The following ZNF33B variants were observed in gnomAD, a reference collection of about 807,000 sequenced individuals.
The protein encoded by ZNF33B is zinc finger protein 33B.
Under a neutral mutation model 45.8 loss-of-function variants are expected in ZNF33B, and 29 were observed. The observed-to-expected ratio is 0.63, with a 90% CI of 0.47 to 0.86. ZNF33B has a LOEUF of 0.86. ZNF33B is among the 40% of genes least tolerant of loss of function. The probability of loss-of-function intolerance (pLI) is 0.00; values close to 1 mark genes in which losing one functional copy is unlikely to be tolerated. For missense variants in ZNF33B, 831 were observed against 909.9 expected, an observed-to-expected ratio of 0.91 and a Z score of 1.12; for synonymous variants, 305 against 307.8, an observed-to-expected ratio of 0.99 and a Z score of 0.10.
At chr10:42,600,494 C>G (rs756663441) in intron 4 of ZNF33B, among the ~76,000 whole-genome samples, 1 of 152,138 alleles carries the variant, frequency 6.6e-6, no homozygotes, top group Admixed American at 6.5e-5. Context: ...AGCACTGCAG[C>G]CTTGTGAATA....
Position 42,593,402 on chromosome 10 carries a change from C to T in ZNF33B, c.1548G>A (p.Gln516=), listed in dbSNP as rs1228391882. The T allele has an allele frequency of 5.0e-6, 8 of 1,613,932 alleles. No individual in the cohort carries two copies. Among genetic ancestry groups the T allele is most frequent in the African/African-American group, 1.3e-5 (1 of 74,992 alleles). The change falls in exon 5 of 5, where the codon CAG becomes CAA. Residue 516 remains glutamine, a synonymous_variant. Coordinates refer to ENST00000359467, the MANE Select transcript of ZNF33B (RefSeq NM_006955.3). The part of the protein sequence containing the change: ...FYHKSVLTRH[Q]IIHTGLKPYE... ...AAGGTTTCAACCCTGTATGAATTAT[C>T]TGATGCCTGGTGAGTACTGACTTGT...
intron 1 of ZNF33B, among the ~76,000 whole-genome samples, chr10:42,637,432 G>A (rs1340819808): frequency 5.9e-5 from 9 of 152,212 alleles, no homozygotes; most frequent in Non-Finnish European, 1.2e-4. Flanking sequence ...GAAAAAATCC[G>A]TTTTAATTTC....
intron 4 of ZNF33B, among the ~76,000 whole-genome samples, chr10:42,598,996 G>T (rs967967683): frequency 6.6e-6 from 1 of 152,172 alleles, no homozygotes; most frequent in Non-Finnish European, 1.5e-5. Context: ...CACTACTGAA[G>T]CATCTAGGGA....
intron 4 of ZNF33B, among the ~76,000 whole-genome samples, chr10:42,631,433 G>C (rs1367547481): frequency 6.6e-6 from 1 of 152,114 alleles, no homozygotes; most frequent in African/African-American, 2.4e-5. Context: ...TCAAACTCCT[G>C]ACCTCAAGTG....
intron 4 of ZNF33B, among the ~76,000 whole-genome samples, chr10:42,595,879 A>C (rs576955787): frequency 4.5e-4 from 69 of 152,332 alleles, no homozygotes; most frequent in African/African-American, 1.5e-3. Flanking sequence ...TAAGCTACCC[A>C]GTCTGTTGAA....
intron 1 of ZNF33B, among the ~76,000 whole-genome samples, chr10:42,580,526 C>T (rs1398503455): frequency 1.3e-5 from 2 of 151,844 alleles, no homozygotes; most frequent in Admixed American, 1.3e-4. Flanking sequence ...GAGTGAGCCA[C>T]TGTGCCTCGC....
intron 4 of ZNF33B, among the ~76,000 whole-genome samples, chr10:42,616,250 T>A (rs1214802091): frequency 3.3e-5 from 5 of 151,954 alleles, no homozygotes; most frequent in Admixed American, 6.6e-5. Flanking sequence ...AATAAAAAAA[T>A]TTGTCAGGAA....
chr10:42,630,853 G>C (rs1322564939), intron 4 of ZNF33B, among the ~76,000 whole-genome samples: 2 of 152,060 alleles, frequency 1.3e-5, no homozygotes, highest in Non-Finnish European at 2.9e-5. Context: ...GCTCACCTTT[G>C]GACTCTAGCT....
intron 1 of ZNF33B, among the ~76,000 whole-genome samples, chr10:42,579,519 C>A (rs1471571070): frequency 7.1e-6 from 1 of 141,592 alleles, no homozygotes; most frequent in African/African-American, 2.6e-5. Flanking sequence ...AGGCTATCAC[C>A]CTTTCTAATC....
rs1340168108 is a variant in ZNF33B at position 42,593,412 on chromosome 10, G to T, written c.1538C>A (p.Thr513Asn). The T allele has an allele frequency of 6.2e-7, 1 of 1,613,844 alleles. No individual in the cohort carries two copies. Among genetic ancestry groups the T allele is most frequent in the Non-Finnish European group, 8.5e-7 (1 of 1,179,974 alleles). Residue 513 changes from threonine (T) to asparagine (N), a missense_variant, in exon 5 of 5, where the codon ACC becomes AAC. Physicochemically the swap from Thr to Asn is moderately conservative, Grantham distance 65 (BLOSUM62 0). Coordinates refer to ENST00000359467, the MANE Select transcript of ZNF33B (RefSeq NM_006955.3). ...GKTFYHKSVL[T>N]RHQIIHTGLK... The stretch of plus-strand genomic sequence containing the variant: ...CCCTGTATGAATTATCTGATGCCTG[G>T]TGAGTACTGACTTGTGGTAGAAAGT...
At chr10:42,617,337 CA>C (rs1415205411) in intron 4 of ZNF33B, among the ~76,000 whole-genome samples, 1 of 151,654 alleles carries the variant, frequency 6.6e-6, no homozygotes, top group Non-Finnish European at 1.5e-5. Context: ...CTCCTGAGCT[CA>C]AGTGATCCAC....
intron 4 of ZNF33B, among the ~76,000 whole-genome samples, chr10:42,597,759 T>C (rs1837461962): frequency 6.6e-6 from 1 of 152,184 alleles, no homozygotes; most frequent in Admixed American, 6.5e-5. Flanking sequence ...AGTTTTGGTA[T>C]ATATAGACAA....
At position 42,633,276 on chromosome 10, in the gene ZNF33B, T is replaced by C. The variant is rs141949338; in HGVS notation, c.10-837A>G. 3.2e-3 allele frequency among the ~76,000 whole-genome samples: 494 copies of C among 152,264 alleles called. 1 individual carries two copies. The highest frequency in any genetic ancestry group is 0.031 in the Middle Eastern group (9 of 294). On this transcript the variant is annotated intron_variant, in intron 2 of 4. Transcript: ENST00000359467. The stretch of plus-strand genomic sequence containing the variant: ...ATACTTGAAACCTCTGTGGAGTACA[T>C]AGGAGAAGACATCCAGTTGGATTGT...
chr10:42,638,346 C>T (rs987970068), intron 1 of ZNF33B, 128 bp downstream of exon 1: 2 of 315,508 alleles, frequency 6.3e-6, no homozygotes, highest in Admixed American at 4.1e-5. Context: ...GCTGCAGCCC[C>T]GCCGTCCCCG....
chr10:42,575,458 C>T lies in ZNF33B; in HGVS notation c.74-780G>A, dbSNP rs538263371. 9.8e-4 allele frequency among the ~76,000 whole-genome samples: 149 copies of T among 152,218 alleles called. No homozygotes were observed. The Middle Eastern group carries it at 0.02, about 21-fold the overall frequency. ...GCACTACTAGCTCCGAGAACTGAGACATTTCTGTTTTTTTAACCCCCCAGT... is the reference window on the plus strand; with the variant it reads ...GCACTACTAGCTCCGAGAACTGAGATATTTCTGTTTTTTTAACCCCCCAGT... On this transcript the variant is annotated intron_variant, in intron 1 of 1. Transcript: ENST00000462075.
chr10:42,638,266 G>A (rs1471496161), intron 1 of ZNF33B, among the ~76,000 whole-genome samples: 1 of 152,268 alleles, frequency 6.6e-6, no homozygotes, highest in Non-Finnish European at 1.5e-5. Flanking sequence ...ACAGGGCAAC[G>A]CACAGGGCGT....
chr10:42,586,254 C>T (rs1291451693), downstream of ZNF33B, among the ~76,000 whole-genome samples: 3 of 145,370 alleles, frequency 2.1e-5, no homozygotes, highest in African/African-American at 7.7e-5. Flanking sequence ...CCCAGGTTCA[C>T]GCCATTCTCC....
At chr10:42,576,862 G>T (rs1013021715) in intron 1 of ZNF33B, among the ~76,000 whole-genome samples, 1 of 152,100 alleles carries the variant, frequency 6.6e-6, no homozygotes. Context: ...GCCGGGCGCC[G>T]TGGCTCATGC....
chr10:42,614,790 C>CA (rs1424440522), intron 4 of ZNF33B, among the ~76,000 whole-genome samples: 4 of 151,908 alleles, frequency 2.6e-5, no homozygotes, highest in African/African-American at 4.8e-5. Context: ...CCCATCTCCA[C>CA]AAAAAATACA....
Sources: allele counts gnomAD v4.1 joint callset (sites outside exome capture counted in the v4.1 genomes callset), GRCh38; gene constraint gnomAD v4.1.1; transcripts MANE v1.5; gene names NCBI Gene and HGNC (gene_info 2026-07-23, HGNC 2026-07-21).